Variants in RBFOX1 observed in about 807,000 individuals in gnomAD.
RBFOX1 encodes RNA binding protein fox-1 homolog 1.
RBFOX1 carries 8 observed loss-of-function variants against 57.7 expected under a neutral mutation model. That is an observed-to-expected ratio of 0.14 (90% CI 0.08 to 0.25). The LOEUF is 0.25. RBFOX1 is among the 10% of genes least tolerant of loss of function. RBFOX1 has a pLI of 1.00. For synonymous variants in RBFOX1, 326 were observed against 222.4 expected, an observed-to-expected ratio of 1.47 and a Z score of -4.15; for missense variants, 611 against 548.5, an observed-to-expected ratio of 1.11 and a Z score of -1.14.
chr16:6,333,101 A>G (rs1478710190), intron 2 of RBFOX1, among the ~76,000 whole-genome samples: 1 of 152,000 alleles, frequency 6.6e-6, no homozygotes, highest in African/African-American at 2.4e-5. Flanking sequence ...GTGCGGTGGC[A>G]TGATGTCCCC....
intron 4 of RBFOX1, among the ~76,000 whole-genome samples, chr16:7,182,783 C>T (rs551646061): frequency 6.6e-6 from 1 of 152,168 alleles, no homozygotes. Flanking sequence ...TGACTTAGCA[C>T]TTTGTACTAA....
intron 1 of RBFOX1, among the ~76,000 whole-genome samples, chr16:5,252,257 A>T (rs1484489849): frequency 1.3e-5 from 2 of 152,190 alleles, no homozygotes; most frequent in African/African-American, 4.8e-5. Context: ...TTCAAGCTCT[A>T]GGTTGTATTT....
chr16:7,648,614 T>C (rs1405228960), intron 11 of RBFOX1, among the ~76,000 whole-genome samples: 1 of 152,172 alleles, frequency 6.6e-6, no homozygotes, highest in African/African-American at 2.4e-5. Flanking sequence ...TTATTTTCTA[T>C]TGTTCCTGGT....
At chr16:7,282,248 A>T (rs2095559809) in intron 4 of RBFOX1, among the ~76,000 whole-genome samples, 1 of 152,146 alleles carries the variant, frequency 6.6e-6, no homozygotes, top group Non-Finnish European at 1.5e-5. Flanking sequence ...GCTCAGACTA[A>T]CAGTCAGAGG....
intron 4 of RBFOX1, among the ~76,000 whole-genome samples, chr16:5,988,083 A>T (rs1044577462): frequency 3.0e-4 from 46 of 152,304 alleles, no homozygotes; most frequent in Admixed American, 2.3e-3. Context: ...TGTGCTCCCG[A>T]CATCATGGCA....
chr16:6,741,186 ATAAT>A (rs1459822616), intron 3 of RBFOX1, among the ~76,000 whole-genome samples: 1 of 152,194 alleles, frequency 6.6e-6, no homozygotes, highest in Non-Finnish European at 1.5e-5. Context: ...ATAATAATAA[ATAAT>A]AAATCTTGAC....
At chr16:7,660,360 C>T (rs2067408815) in intron 12 of RBFOX1, among the ~76,000 whole-genome samples, 1 of 152,182 alleles carries the variant, frequency 6.6e-6, no homozygotes, top group Non-Finnish European at 1.5e-5. Context: ...TATGACTGCG[C>T]CTGTTTAGTG....
chr16:7,610,139 T>TTTTTTTTTTTTTTTTTTTA, intron 10 of RBFOX1, among the ~76,000 whole-genome samples: 1 of 127,614 alleles, frequency 7.8e-6, no homozygotes, highest in Non-Finnish European at 1.7e-5. Flanking sequence ...TTTTTTTTTT[T>TTTTTTTTTTTTTTTTTTTA]GAGGCAGTTT....
At chr16:6,939,295 C>T (rs186734788) in intron 3 of RBFOX1, among the ~76,000 whole-genome samples, 54 of 151,916 alleles carry the variant, frequency 3.6e-4, no homozygotes, top group African/African-American at 1.2e-3. Context: ...TATTTTGGGC[C>T]AATTTTGCTT....
At chr16:5,469,579 A>G (rs1269087784) in intron 2 of RBFOX1, among the ~76,000 whole-genome samples, 2 of 152,172 alleles carry the variant, frequency 1.3e-5, no homozygotes, top group Admixed American at 6.5e-5. Context: ...TGCATTCACA[A>G]TGCGGTGCCA....
intron 3 of RBFOX1, among the ~76,000 whole-genome samples, chr16:6,786,078 G>C (rs2081911726): frequency 6.6e-6 from 1 of 152,342 alleles, no homozygotes; most frequent in African/African-American, 2.4e-5. Flanking sequence ...GCAGAAGCCT[G>C]TTCAGGGCCT....
At position 7,341,776 on chromosome 16, in the gene RBFOX1, C is replaced by CCT. The variant is rs1555741398; in HGVS notation, c.28-176371_28-176370insCT. ...CCTCCTTCCCTCCTTCCCTCCCTCCCTCCTTCCTTCCTTCCTTCCTTCCTT... is the reference window on the plus strand; with the variant it reads ...CCTCCTTCCCTCCTTCCCTCCCTCCCCTTCCTTCCTTCCTTCCTTCCTTCCTT... On this transcript the variant is annotated intron_variant, in intron 4 of 15. Coordinates refer to ENST00000550418, the MANE Select transcript of RBFOX1 (RefSeq NM_018723.4). Among the ~76,000 whole-genome samples the CCT allele has an allele frequency of 3.0e-3, 288 of 95,178 alleles. 5 individuals carry two copies. Among genetic ancestry groups the CCT allele is most frequent in the African/African-American group, 0.01 (260 of 24,884 alleles). The allele number at this position is 95,178 out of a possible 152,430, so 62.4% of individuals were successfully genotyped here. A position where few individuals can be genotyped will look rare whatever the true frequency, so the allele number is the denominator to read the frequency against.
At chr16:6,706,165 A>G (rs1269426503) in intron 3 of RBFOX1, among the ~76,000 whole-genome samples, 2 of 152,038 alleles carry the variant, frequency 1.3e-5, no homozygotes, top group African/African-American at 2.4e-5. Context: ...TGTGTTGAAA[A>G]CTTTTTACTG....
intron 3 of RBFOX1, among the ~76,000 whole-genome samples, chr16:6,827,470 C>T (rs1050640878): frequency 3.9e-5 from 6 of 152,154 alleles, no homozygotes; most frequent in Non-Finnish European, 7.3e-5. Flanking sequence ...CAGCTGGTGA[C>T]TTCCTGAGGG....
intron 3 of RBFOX1, among the ~76,000 whole-genome samples, chr16:5,790,937 C>A (rs191218124): frequency 1.2e-4 from 18 of 145,562 alleles, no homozygotes; most frequent in Non-Finnish European, 1.6e-4. Flanking sequence ...GGTGTGATTT[C>A]GGCACACTGC....
chr16:7,709,138 A>G lies in RBFOX1; in HGVS notation c.1071+7A>G. 1.2e-6 allele frequency: 2 copies of G among 1,608,766 alleles called. No homozygotes were observed. The highest frequency in any genetic ancestry group is 1.7e-6 in the Non-Finnish European group (2 of 1,175,428). On this transcript the variant is annotated splice_region_variant and intron_variant, in intron 15 of 15. Transcript: ENST00000550418. ...CTACGGCGTTGGTGCCATGGTGAGT[A>G]CAAGTTTCTCCTTGTCCTCACTTCC...
chr16:5,843,934 A>T (rs569031067), intron 3 of RBFOX1, among the ~76,000 whole-genome samples: 12 of 152,224 alleles, frequency 7.9e-5, no homozygotes, highest in Non-Finnish European at 1.5e-4. Context: ...GAATTTTCCT[A>T]TCAGAAAAGT....
At chr16:7,691,005 A>G (rs922719974) in intron 14 of RBFOX1, among the ~76,000 whole-genome samples, 1 of 152,154 alleles carries the variant, frequency 6.6e-6, no homozygotes, top group Admixed American at 6.6e-5. Context: ...TCAGGGAAGT[A>G]GTGATCACAC....
intron 3 of RBFOX1, among the ~76,000 whole-genome samples, chr16:5,794,020 C>G (rs974448143): frequency 5.3e-5 from 8 of 152,282 alleles, no homozygotes; most frequent in Non-Finnish European, 1.2e-4. Flanking sequence ...ATCTGAACTT[C>G]ACTTTTTTGC....
Sources: allele counts gnomAD v4.1 joint callset (sites outside exome capture counted in the v4.1 genomes callset), GRCh38; gene constraint gnomAD v4.1.1; transcripts MANE v1.5; gene names NCBI Gene and HGNC (gene_info 2026-07-23, HGNC 2026-07-21).